EMC2: variants seen among roughly 807,000 people sequenced by gnomAD.
EMC2 encodes the protein ER membrane protein complex subunit 2, also known as TPR repeat protein 35.
A neutral mutation model predicts 51.6 loss-of-function variants in EMC2; 37 were observed. That is an observed-to-expected ratio of 0.72 (90% CI 0.55 to 0.94). The LOEUF is 0.94. Among genes scored for constraint, EMC2 ranks in the 40% least tolerant of loss-of-function variants. The probability of loss-of-function intolerance (pLI) is 0.00; values close to 1 mark genes in which losing one functional copy is unlikely to be tolerated. For missense variants in EMC2, 359 were observed against 350.9 expected (o/e 1.02, Z -0.18); for synonymous variants, 131 against 112.4 (o/e 1.17, Z -1.04).
intron 7 of EMC2, 31 bp downstream of exon 7, chr8:108,470,152 A>T: frequency 6.7e-7 from 1 of 1,503,334 alleles, no homozygotes; most frequent in Non-Finnish European, 9.2e-7. Context: ...CATTTTGTTG[A>T]GTGCAGTTTT....
intron 1 of EMC2, 43 bp downstream of exon 1, chr8:108,443,741 G>A: frequency 6.4e-7 from 1 of 1,568,988 alleles, no homozygotes; most frequent in Non-Finnish European, 8.7e-7. Context: ...TAAAAGCGCT[G>A]GGAAGCCGTT....
chr8:108,451,998 C>A (rs1391735998), intron 3 of EMC2, among the ~76,000 whole-genome samples: 1 of 152,054 alleles, frequency 6.6e-6, no homozygotes, highest in Non-Finnish European at 1.5e-5. Flanking sequence ...ATTTTATTAC[C>A]AGTTAATAGT....
At chr8:108,462,213 T>TTGTGTGCGCGTGTGTGTGTG (rs1554617986) in intron 5 of EMC2, among the ~76,000 whole-genome samples, 1 of 122,498 alleles carries the variant, frequency 8.2e-6, no homozygotes, top group Non-Finnish European at 2.0e-5. Flanking sequence ...TGTGTGTGTT[T>TTGTGTGCGCGTGTGTGTGTG]TGTGTGCGTG....
intron 5 of EMC2, among the ~76,000 whole-genome samples, chr8:108,456,581 A>G (rs1819166215): frequency 6.6e-6 from 1 of 152,142 alleles, no homozygotes; most frequent in Non-Finnish European, 1.5e-5. Flanking sequence ...TCTGCCTTAT[A>G]CATGAATAAG....
At chr8:108,486,187 A>T (rs1811134528) in intron 10 of EMC2, among the ~76,000 whole-genome samples, 1 of 120,766 alleles carries the variant, frequency 8.3e-6, no homozygotes, top group East Asian at 2.2e-4. Context: ...ATTGCATTTT[A>T]AAATTATACT....
chr8:108,476,717 T>A, intron 8 of EMC2, 65 bp from the exon 9 acceptor site: 1 of 756,484 alleles, frequency 1.3e-6, no homozygotes, highest in East Asian at 2.6e-5. Flanking sequence ...TATGGTATGA[T>A]GAAACCATGC....
chr8:108,461,666 G>A (rs1819320692), intron 5 of EMC2, among the ~76,000 whole-genome samples: 1 of 152,098 alleles, frequency 6.6e-6, no homozygotes, highest in African/African-American at 2.4e-5. Context: ...TGAAAGAATG[G>A]TGGAATGGCA....
chr8:108,472,335 A>G (rs1218463911), intron 7 of EMC2, among the ~76,000 whole-genome samples: 1 of 151,856 alleles, frequency 6.6e-6, no homozygotes, highest in Middle Eastern at 3.2e-3. Flanking sequence ...TTTGTTTGGA[A>G]TCTAAAGAGT....
At chr8:108,478,092 G>T (rs934060879) in intron 9 of EMC2, among the ~76,000 whole-genome samples, 2 of 151,986 alleles carry the variant, frequency 1.3e-5, no homozygotes, top group Admixed American at 1.3e-4. Context: ...AATCAGATTT[G>T]GGGATATAGA....
chr8:108,447,736 AGTT>A (rs975345675), intron 1 of EMC2, among the ~76,000 whole-genome samples: 39 of 152,292 alleles, frequency 2.6e-4, no homozygotes, highest in South Asian at 6.2e-4. Flanking sequence ...ATTGCACAGT[AGTT>A]AATAAAATGT....
rs552582041 is a variant in EMC2, at chr8:108,488,766, G to A, written c.*2168G>A. Among the ~76,000 whole-genome samples, 22 of 152,238 alleles carry A rather than the reference G, an allele frequency of 1.4e-4. No individual in the cohort carries two copies. Among genetic ancestry groups the A allele is most frequent in the Middle Eastern group, 6.8e-3 (2 of 294 alleles). On this transcript the variant is annotated 3_prime_UTR_variant, in exon 11 of 11. Coordinates refer to ENST00000220853, the MANE Select transcript of EMC2 (RefSeq NM_014673.5). Reference sequence around the variant, plus strand: ...ATTCTGTATAGTCTGATTAGTACGAGGCAGAACTTTTTGCAGTGAAGGAAA... The same window carrying A: ...ATTCTGTATAGTCTGATTAGTACGAAGCAGAACTTTTTGCAGTGAAGGAAA...
At chr8:108,472,362 GA>G (rs1169663929) in intron 7 of EMC2, among the ~76,000 whole-genome samples, 2 of 151,744 alleles carry the variant, frequency 1.3e-5, no homozygotes, top group Admixed American at 1.3e-4. Context: ...AAACAGAGGT[GA>G]ATGTACACTT....
Position 108,443,700 on chromosome 8 carries a change from TA to T in EMC2, c.40+4del, listed in dbSNP as rs1287316524. On this transcript the variant is annotated splice_donor_region_variant and intron_variant, in intron 1 of 10. Transcript: ENST00000220853. ...AGCTTTACGATGTCACTTGGGAAGG[TA>T]ACTTCGGGTGGGGGCGGGTGCGGAA... 3 of 1,608,756 alleles carry T rather than the reference TA, an allele frequency of 1.9e-6. No individual in the cohort carries two copies. In the South Asian group the frequency reaches 3.3e-5, roughly 18 times the overall value.
At chr8:108,460,503 T>C (rs1342248961) in intron 5 of EMC2, among the ~76,000 whole-genome samples, 1 of 152,096 alleles carries the variant, frequency 6.6e-6, no homozygotes, top group African/African-American at 2.4e-5. Context: ...AGGTGGAAAA[T>C]TTCACCCCGA....
chr8:108,451,510 C>G (rs1307974746), intron 3 of EMC2, among the ~76,000 whole-genome samples: 2 of 151,956 alleles, frequency 1.3e-5, no homozygotes, highest in African/African-American at 4.8e-5. Flanking sequence ...ATTGAAATAC[C>G]TGAAAAAAAT....
chr8:108,474,184 C>T (rs751071696), intron 7 of EMC2: 1 of 151,928 alleles, frequency 6.6e-6, no homozygotes, highest in Non-Finnish European at 1.5e-5. Context: ...ACCCTAAGAG[C>T]TGCTACTACC....
chr8:108,481,480 T>C (rs1479839201), intron 10 of EMC2, among the ~76,000 whole-genome samples: 1 of 152,036 alleles, frequency 6.6e-6, no homozygotes, highest in African/African-American at 2.4e-5. Flanking sequence ...AAAAAAAGAT[T>C]TGTGTAATAT....
intron 1 of EMC2, among the ~76,000 whole-genome samples, chr8:108,448,172 A>AT (rs1818926307): frequency 6.6e-6 from 1 of 152,202 alleles, no homozygotes; most frequent in Admixed American, 6.5e-5. Context: ...GCAACTTTAT[A>AT]TATATTTTAT....
intron 5 of EMC2, among the ~76,000 whole-genome samples, chr8:108,461,395 A>G (rs1256599936): frequency 6.6e-6 from 1 of 152,184 alleles, no homozygotes; most frequent in African/African-American, 2.4e-5. Context: ...CTGTGCTTCT[A>G]GTGAGGTAGC....
Sources: allele counts gnomAD v4.1 joint callset (sites outside exome capture counted in the v4.1 genomes callset), GRCh38; gene constraint gnomAD v4.1.1; transcripts MANE v1.5; gene names NCBI Gene and HGNC (gene_info 2026-07-23, HGNC 2026-07-21).